Variants in NOS1 observed in about 807,000 individuals in gnomAD.
NOS1 encodes nitric oxide synthase 1, also known as NOS type I.
NOS1 carries 51 observed loss-of-function variants against 164.5 expected under a neutral mutation model. The ratio of observed to expected loss-of-function variants is 0.31; its 90% confidence interval spans 0.25 to 0.39. NOS1 has a LOEUF of 0.39. NOS1 is among the 10% of genes least tolerant of loss of function. The probability of loss-of-function intolerance (pLI) is 1.00; values close to 1 mark genes in which losing one functional copy is unlikely to be tolerated. For synonymous variants in NOS1, 719 were observed against 745.8 expected (o/e 0.96, Z 0.59); for missense variants, 1,362 against 1,885.6 (o/e 0.72, Z 5.14).
At chr12:117,335,021 T>C (rs572386377) in intron 1 of NOS1, among the ~76,000 whole-genome samples, 53 of 152,294 alleles carry the variant, frequency 3.5e-4, no homozygotes, top group African/African-American at 1.2e-3. Context: ...AATGCGGTCA[T>C]TTGTAATCAC....
At chr12:117,346,067 G>A (rs1269911623) in intron 1 of NOS1, among the ~76,000 whole-genome samples, 2 of 152,250 alleles carry the variant, frequency 1.3e-5, no homozygotes, top group Non-Finnish European at 2.9e-5. Flanking sequence ...TTGCCATGCA[G>A]AAAGCCAAGA....
At chr12:117,223,956 G>A (rs1868419748) in intron 25 of NOS1, among the ~76,000 whole-genome samples, 1 of 152,010 alleles carries the variant, frequency 6.6e-6, no homozygotes, top group South Asian at 2.1e-4. Flanking sequence ...ACCCAGCCAC[G>A]ATGTACTCAA....
intron 2 of NOS1, among the ~76,000 whole-genome samples, chr12:117,315,631 C>A (rs1012819275): frequency 1.3e-5 from 2 of 152,212 alleles, no homozygotes; most frequent in Non-Finnish European, 2.9e-5. Context: ...CAAGTCTGTT[C>A]AACCTGGATC....
intron 3 of NOS1, among the ~76,000 whole-genome samples, chr12:117,308,812 G>T (rs1276799189): frequency 1.3e-5 from 2 of 152,030 alleles, no homozygotes; most frequent in Admixed American, 6.6e-5. Flanking sequence ...GGTCAGGCTG[G>T]TCTTGAACTC....
chr12:117,222,604 T>C (rs1040948593), intron 26 of NOS1, 111 bp downstream of exon 26: 7 of 1,017,162 alleles, frequency 6.9e-6, no homozygotes, highest in Admixed American at 6.6e-5. Context: ...AGCAACTTCA[T>C]AGAGGGAAAA....
Position 117,330,279 on chromosome 12 carries a change from C to T in NOS1, c.725+66G>A. On this transcript the variant is annotated intron_variant, in intron 2 of 28. Coordinates refer to ENST00000317775, the MANE Select transcript of NOS1 (RefSeq NM_000620.5). The surrounding 1 kb of genome is among the most constrained non-coding windows in gnomAD (Gnocchi z 4.6). ...CTATGAGGCTGAGTCTCAGTAGACG[C>T]ACATGCACACACACAAGCATGCACA... is the stretch of plus-strand genomic sequence containing the variant. 1 of 1,515,268 alleles carries T rather than the reference C, an allele frequency of 6.6e-7. No homozygotes were observed. 93.9% of individuals were successfully genotyped at this position (1,515,268 alleles called of 1,614,324 possible). A position where few individuals can be genotyped will look rare whatever the true frequency, so the allele number is the denominator to read the frequency against.
chr12:117,209,861 C>T lies in NOS1; in HGVS notation c.*5448G>A. On this transcript the variant is annotated 3_prime_UTR_variant, in exon 29 of 29. Transcript: ENST00000317775. ...AGGGCAGAGGCCAGGCCAGGTTGGC[C>T]TCCAAAGTCAAATCCCTGTTCATGG... The T allele has an allele frequency of 1.0e-6, 1 of 985,500 alleles. No homozygotes were observed. Among genetic ancestry groups the T allele is most frequent in the Non-Finnish European group, 1.2e-6 (1 of 829,966 alleles). The allele number at this position is 985,500 out of a possible 1,614,324, so 61.0% of individuals were successfully genotyped here. A position where few individuals can be genotyped will look rare whatever the true frequency, so the allele number is the denominator to read the frequency against.
chr12:117,308,746 G>A (rs1173954994), intron 3 of NOS1, among the ~76,000 whole-genome samples: 2 of 151,828 alleles, frequency 1.3e-5, no homozygotes, highest in South Asian at 2.1e-4. Context: ...ACAGGCACCC[G>A]CCACCATGCC....
At chr12:117,230,087 T>C (rs1869087845) in intron 22 of NOS1, among the ~76,000 whole-genome samples, 1 of 152,126 alleles carries the variant, frequency 6.6e-6, no homozygotes, top group Non-Finnish European at 1.5e-5. Context: ...GCCCAGCTAA[T>C]TTAATTTTTT....
At chr12:117,233,034 CTTT>C (rs34474757) in intron 21 of NOS1, among the ~76,000 whole-genome samples, 1 of 88,364 alleles carries the variant, frequency 1.1e-5, no homozygotes, top group Admixed American at 1.7e-4. Context: ...TGCCTCACTA[CTTT>C]TTTTTTTTTT....
chr12:117,255,831 A>C, intron 16 of NOS1: 1 of 597,076 alleles, frequency 1.7e-6, no homozygotes, highest in Non-Finnish European at 2.6e-6. Flanking sequence ...TCAGGTTAGA[A>C]CTCGGATCTC....
At chr12:117,335,738 G>GAGAGAGAGAGAGAA (rs1875781518) in intron 1 of NOS1, among the ~76,000 whole-genome samples, 1 of 65,062 alleles carries the variant, frequency 1.5e-5, no homozygotes, top group Admixed American at 1.4e-4. Flanking sequence ...ATGAGAGAGA[G>GAGAGAGAGAGAGAA]AGAGAGAGAG....
At chr12:117,231,058 G>A (rs1000729003) in intron 22 of NOS1, among the ~76,000 whole-genome samples, 5 of 152,258 alleles carry the variant, frequency 3.3e-5, no homozygotes, top group Non-Finnish European at 7.4e-5. Flanking sequence ...CGGGTGCAGT[G>A]GCTCATGCCT....
chr12:117,359,174 TCCAGA>T (rs1482146062), intron 1 of NOS1, among the ~76,000 whole-genome samples: 2 of 143,222 alleles, frequency 1.4e-5, no homozygotes, highest in Non-Finnish European at 3.1e-5. Context: ...GCTTCTGAAA[TCCAGA>T]CTAGTGGAAA....
intron 14 of NOS1, 138 bp from the exon 15 acceptor site, chr12:117,259,268 C>G (rs1871698877): frequency 1.6e-6 from 1 of 623,096 alleles, no homozygotes; most frequent in Non-Finnish European, 2.9e-6. Context: ...TGGGTCATCT[C>G]CTTTGGAAGG....
At position 117,211,885 on chromosome 12, in the gene NOS1, T is replaced by C. The variant is rs960413129; in HGVS notation, c.*3424A>G. ...TTCAAGACCAGCCTGGCCAACATGG[T>C]GAAACCCTGACTCTACTAAAAATAC... On this transcript the variant is annotated 3_prime_UTR_variant, in exon 29 of 29. Transcript: ENST00000317775. The C allele has an allele frequency of 7.3e-6, 6 of 824,870 alleles. No homozygotes were observed. Among genetic ancestry groups the C allele is most frequent in the Non-Finnish European group, 8.8e-6 (6 of 684,034 alleles). 51.1% of individuals were successfully genotyped at this position (824,870 alleles called of 1,614,324 possible).
chr12:117,214,065 C>G lies in NOS1; in HGVS notation c.*1244G>C. ...AAGCCTGAGGGACAAGTTCTTCCCA[C>G]CCCAAGTTGTGGCTCCTATCGAAGA... On this transcript the variant is annotated 3_prime_UTR_variant, in exon 29 of 29. Coordinates refer to ENST00000317775, the MANE Select transcript of NOS1 (RefSeq NM_000620.5). The G allele has an allele frequency of 2.0e-6, 2 of 985,454 alleles. No individual in the cohort carries two copies. The highest frequency in any genetic ancestry group is 2.4e-6 in the Non-Finnish European group (2 of 829,932). 61.0% of individuals were successfully genotyped at this position (985,454 alleles called of 1,614,324 possible). A position where few individuals can be genotyped will look rare whatever the true frequency, so the allele number is the denominator to read the frequency against.
At chr12:117,235,366 T>TC (rs1319670718) in intron 20 of NOS1, among the ~76,000 whole-genome samples, 1 of 152,144 alleles carries the variant, frequency 6.6e-6, no homozygotes, top group African/African-American at 2.4e-5. Flanking sequence ...TTTTGGATTC[T>TC]AGCACCCCAT....
intron 1 of NOS1, among the ~76,000 whole-genome samples, chr12:117,358,465 C>T (rs1286042022): frequency 2.0e-5 from 3 of 152,192 alleles, no homozygotes; most frequent in African/African-American, 4.8e-5. Context: ...GCCACGATGA[C>T]ACTATTGGCC....
Sources: gnomAD v4.1 joint callset for allele counts (sites outside exome capture counted in the v4.1 genomes callset) on GRCh38, gnomAD v4.1.1 for gene constraint, Gnocchi (gnomAD v3.1) non-coding constraint, MANE v1.5 for transcripts, NCBI Gene and HGNC (gene_info 2026-07-23, HGNC 2026-07-21) for gene names.